The following RGS20 variants were observed in gnomAD, a reference collection of about 807,000 sequenced individuals.
RGS20 encodes gz-selective GTPase-activating protein.
A neutral mutation model predicts 33.6 loss-of-function variants in RGS20; 30 were observed. The ratio of observed to expected loss-of-function variants is 0.89; its 90% CI spans 0.67 to 1.21. The LOEUF is 1.21. Ranked by LOEUF, RGS20 falls within the 50% of genes most tolerant of loss-of-function variation. The probability of loss-of-function intolerance (pLI) is 0.00; values close to 1 mark genes in which losing one functional copy is unlikely to be tolerated. For synonymous variants in RGS20, 208 were observed against 197.9 expected (o/e 1.05, Z -0.43); for missense variants, 472 against 502.4 (o/e 0.94, Z 0.58).
intron 3 of RGS20, among the ~76,000 whole-genome samples, chr8:53,944,491 T>C (rs1231119546): frequency 6.7e-6 from 1 of 149,304 alleles, no homozygotes; most frequent in Non-Finnish European, 1.5e-5. Context: ...GGAGCTGAGA[T>C]CACGCCATTG....
intron 2 of RGS20, among the ~76,000 whole-genome samples, chr8:53,890,259 T>C (rs1812677312): frequency 6.6e-6 from 1 of 152,240 alleles, no homozygotes. Flanking sequence ...TCTAGTGAGT[T>C]ATTAATTTCA....
intron 2 of RGS20, among the ~76,000 whole-genome samples, chr8:53,922,973 C>T (rs1325108787): frequency 5.3e-5 from 8 of 151,262 alleles, no homozygotes; most frequent in Non-Finnish European, 1.5e-5. Flanking sequence ...GAGGTAATTT[C>T]TTCATGGCCT....
intron 2 of RGS20, among the ~76,000 whole-genome samples, 157 bp from the exon 2 acceptor site, chr8:53,939,419 A>T (rs1038971239): frequency 6.6e-6 from 1 of 152,234 alleles, no homozygotes; most frequent in African/African-American, 2.4e-5. Context: ...AATTGATCCT[A>T]AGATTCTAAG....
chr8:53,909,989 CA>C (rs1004619331), intron 2 of RGS20, among the ~76,000 whole-genome samples: 1 of 152,120 alleles, frequency 6.6e-6, no homozygotes, highest in South Asian at 2.1e-4. Flanking sequence ...AGAGCAGGGA[CA>C]AATGCCTTCC....
chr8:53,946,858 T>C lies in RGS20; in HGVS notation c.743+110T>C. Reference sequence around the variant, plus strand: ...ACACATACTTTCTCTAACTGTAATTTAGTAATATCCAATCATTATGTGGCC... The same window carrying C: ...ACACATACTTTCTCTAACTGTAATTCAGTAATATCCAATCATTATGTGGCC... On this transcript the variant is annotated intron_variant, in intron 4 of 5. Transcript: ENST00000297313. 6 of 842,118 alleles carry C rather than the reference T, an allele frequency of 7.1e-6. 1 individual carries two copies. The highest frequency in any genetic ancestry group is 1.1e-5 in the Non-Finnish European group (6 of 545,106). The allele number at this position is 842,118 out of a possible 1,614,324, so 52.2% of individuals were successfully genotyped here.
chr8:53,877,986 G>T lies in RGS20; in HGVS notation c.166-1272G>T, dbSNP rs1027973893. Among the ~76,000 whole-genome samples the T allele has an allele frequency of 1.3e-5, 2 of 152,152 alleles. No individual in the cohort carries two copies. The highest frequency in any genetic ancestry group is 2.9e-5 in the Non-Finnish European group (2 of 68,030). ...CAGGCCCACGAGGCCGCTCGCGACCGCTCCCGCCTTCAGGACCCTGGAGAG... is the reference window on the plus strand; with the variant it reads ...CAGGCCCACGAGGCCGCTCGCGACCTCTCCCGCCTTCAGGACCCTGGAGAG... On this transcript the variant is annotated intron_variant, in intron 1 of 5. Coordinates refer to ENST00000297313, the MANE Select transcript of RGS20 (RefSeq NM_170587.4). This position sits in a 1 kb window ranked among gnomAD's most constrained non-coding sequence, Gnocchi z 5.7.
intron 1 of RGS20, among the ~76,000 whole-genome samples, chr8:53,866,863 C>T (rs1452659670): frequency 6.6e-6 from 1 of 152,054 alleles, no homozygotes. Flanking sequence ...CAGGTTGGCT[C>T]TCGCTGGGGA....
At chr8:53,923,358 G>A (rs1479917497) in intron 2 of RGS20, among the ~76,000 whole-genome samples, 17 of 152,158 alleles carry the variant, frequency 1.1e-4, no homozygotes, top group Admixed American at 1.1e-3. Flanking sequence ...ACTTTGGGAG[G>A]CCAAGGAAGG....
intron 2 of RGS20, among the ~76,000 whole-genome samples, chr8:53,905,290 T>C (rs1007469096): frequency 5.9e-5 from 9 of 152,152 alleles, no homozygotes; most frequent in African/African-American, 2.2e-4. Flanking sequence ...TGAAAACCCA[T>C]AGATTTGCCT....
At chr8:53,907,050 A>G (rs1368894259) in intron 2 of RGS20, among the ~76,000 whole-genome samples, 1 of 152,162 alleles carries the variant, frequency 6.6e-6, no homozygotes, top group Non-Finnish European at 1.5e-5. Flanking sequence ...CATTTCTTCA[A>G]TGTGAAAGCA....
intron 2 of RGS20, among the ~76,000 whole-genome samples, chr8:53,900,937 G>T (rs550957189): frequency 2.0e-5 from 3 of 152,210 alleles, no homozygotes; most frequent in East Asian, 3.9e-4. Flanking sequence ...CCCCAGTCAC[G>T]GCAGGGCTGT....
intron 1 of RGS20, among the ~76,000 whole-genome samples, chr8:53,873,357 CAG>C (rs1812121631): frequency 6.6e-6 from 1 of 152,204 alleles, no homozygotes; most frequent in Admixed American, 6.5e-5. Flanking sequence ...ACGTCTCAAA[CAG>C]AAATTATGTA....
intron 4 of RGS20, among the ~76,000 whole-genome samples, chr8:53,948,399 T>TATATATTTACATATGCTATATATAAGAC (rs1563432105): frequency 1.2e-4 from 16 of 136,902 alleles, no homozygotes; most frequent in East Asian, 1.1e-3. Context: ...ATATATAAGA[T>TATATATTTACATATGCTATATATAAGAC]ACAGTATATA....
At chr8:53,955,243 GA>G (rs1452309064) in intron 5 of RGS20, among the ~76,000 whole-genome samples, 1 of 151,120 alleles carries the variant, frequency 6.6e-6, no homozygotes, top group African/African-American at 2.4e-5. Flanking sequence ...TGAAATCTGT[GA>G]AAAATTTTGT....
intron 2 of RGS20, among the ~76,000 whole-genome samples, chr8:53,891,772 A>G (rs1270961416): frequency 6.6e-6 from 1 of 152,124 alleles, no homozygotes; most frequent in Non-Finnish European, 1.5e-5. Context: ...GTAAAATGTA[A>G]TACATGTTTT....
At chr8:53,901,125 G>A (rs573874835) in intron 2 of RGS20, among the ~76,000 whole-genome samples, 278 of 148,304 alleles carry the variant, frequency 1.9e-3, no homozygotes, top group African/African-American at 6.5e-3. Flanking sequence ...GTGCAGTGGC[G>A]CAATCAATCT....
chr8:53,880,919 C>G (rs1207752704), intron 2 of RGS20: 2 of 1,542,556 alleles, frequency 1.3e-6, no homozygotes, highest in Middle Eastern at 1.7e-4. Flanking sequence ...GAGCAAAGAC[C>G]GAGAGCCGGA....
intron 2 of RGS20, among the ~76,000 whole-genome samples, chr8:53,926,748 CTAAAAATACAAAAATTA>C (rs1346922148): frequency 5.3e-5 from 8 of 152,008 alleles, no homozygotes; most frequent in African/African-American, 1.9e-4. Flanking sequence ...CCCATCTCTA[CTAAAAATACAAAAATTA>C]GCCAGGTGTG....
chr8:53,880,804 C>T, intron 2 of RGS20, 68 bp from the exon 1 acceptor site: 1 of 1,333,938 alleles, frequency 7.5e-7, no homozygotes, highest in Non-Finnish European at 9.7e-7. Flanking sequence ...GAGTGCGCCG[C>T]CGCTGGAGGG....
Sources: gnomAD v4.1 joint callset for allele counts (sites outside exome capture counted in the v4.1 genomes callset) on GRCh38, gnomAD v4.1.1 for gene constraint, Gnocchi (gnomAD v3.1) non-coding constraint, MANE v1.5 for transcripts, NCBI Gene and HGNC (gene_info 2026-07-23, HGNC 2026-07-21) for gene names.